ZNF385D: variants seen among roughly 807,000 people sequenced by gnomAD.
ZNF385D encodes the protein zinc finger protein 659.
A neutral mutation model predicts 35.8 loss-of-function variants in ZNF385D; 15 were observed. The ratio of observed to expected loss-of-function variants is 0.42; its 90% CI spans 0.28 to 0.64. ZNF385D has a LOEUF of 0.64. Among genes scored for constraint, ZNF385D ranks in the 30% least tolerant of loss-of-function variants. ZNF385D has a pLI of 0.23. For synonymous variants in ZNF385D, 212 were observed against 186.8 expected, an observed-to-expected ratio of 1.13 and a Z score of -1.10; for missense variants, 474 against 494.6, an observed-to-expected ratio of 0.96 and a Z score of 0.39.
At chr3:22,331,140 C>T (rs1364176576) in intron 2 of ZNF385D, among the ~76,000 whole-genome samples, 1 of 152,156 alleles carries the variant, frequency 6.6e-6, no homozygotes, top group East Asian at 1.9e-4. Context: ...ACTGACTGTT[C>T]ATTAGGTATT....
chr3:22,186,056 C>G (rs1188189225), intron 2 of ZNF385D, among the ~76,000 whole-genome samples: 3 of 152,122 alleles, frequency 2.0e-5, no homozygotes, highest in African/African-American at 7.2e-5. Context: ...CTTTCCTGGA[C>G]AAACACTCAC....
At chr3:21,899,156 A>G (rs547768617) in intron 3 of ZNF385D, among the ~76,000 whole-genome samples, 1 of 152,202 alleles carries the variant, frequency 6.6e-6, no homozygotes, top group East Asian at 1.9e-4. Context: ...ACTAGCATAT[A>G]GCATCTAGAT....
chr3:22,094,536 G>T (rs928061527), intron 3 of ZNF385D, among the ~76,000 whole-genome samples: 1 of 151,666 alleles, frequency 6.6e-6, no homozygotes, highest in African/African-American at 2.4e-5. Context: ...GTAAGACATA[G>T]GCCAGACACA....
chr3:21,507,172 CTG>C (rs573533243), intron 4 of ZNF385D, among the ~76,000 whole-genome samples: 193 of 152,210 alleles, frequency 1.3e-3, no homozygotes, highest in African/African-American at 4.4e-3. Flanking sequence ...AATTTAGTTT[CTG>C]TGAGTATTCT....
chr3:21,626,577 A>G (rs2065141034), intron 2 of ZNF385D, among the ~76,000 whole-genome samples: 1 of 152,056 alleles, frequency 6.6e-6, no homozygotes, highest in African/African-American at 2.4e-5. Context: ...GAGGAGCTTT[A>G]TGGCTTTGTT....
chr3:21,774,714 G>A (rs903234948), intron 3 of ZNF385D, among the ~76,000 whole-genome samples: 2 of 151,892 alleles, frequency 1.3e-5, no homozygotes, highest in Non-Finnish European at 1.5e-5. Context: ...TGATGAAGGA[G>A]TAGATGTAAT....
chr3:21,511,306 A>C (rs189369645), intron 3 of ZNF385D, among the ~76,000 whole-genome samples: 117 of 152,294 alleles, frequency 7.7e-4, no homozygotes, highest in Non-Finnish European at 1.3e-3. Context: ...AGCGGGGAAA[A>C]AAAATAAGAA....
At chr3:22,238,924 G>T (rs922579283) in intron 2 of ZNF385D, among the ~76,000 whole-genome samples, 2 of 149,852 alleles carry the variant, frequency 1.3e-5, no homozygotes, top group South Asian at 4.5e-4. Flanking sequence ...ACAGGGTCTT[G>T]CCATGTTGTA....
At chr3:22,307,534 A>C (rs1438354594) in intron 2 of ZNF385D, among the ~76,000 whole-genome samples, 1 of 152,176 alleles carries the variant, frequency 6.6e-6, no homozygotes, top group Non-Finnish European at 1.5e-5. Context: ...GCACACGTAC[A>C]CATGCCATTT....
chr3:21,828,063 AC>A (rs1694761524), intron 3 of ZNF385D, among the ~76,000 whole-genome samples: 1 of 152,236 alleles, frequency 6.6e-6, no homozygotes, highest in South Asian at 2.1e-4. Context: ...TGTACTTACA[AC>A]TAAATCTATG....
At chr3:21,949,545 TC>T (rs1701955541) in intron 3 of ZNF385D, among the ~76,000 whole-genome samples, 3 of 73,546 alleles carry the variant, frequency 4.1e-5, no homozygotes, top group Admixed American at 3.7e-4. Context: ...TTCCTTCTTT[TC>T]TTTCTTTCTT....
intron 4 of ZNF385D, among the ~76,000 whole-genome samples, chr3:21,487,137 C>T (rs1705091533): frequency 6.6e-6 from 1 of 152,124 alleles, no homozygotes; most frequent in Non-Finnish European, 1.5e-5. Flanking sequence ...TAAGGCTTTT[C>T]ATTCCTCTAC....
At chr3:21,964,983 A>G (rs1271367694) in intron 3 of ZNF385D, among the ~76,000 whole-genome samples, 2 of 152,218 alleles carry the variant, frequency 1.3e-5, no homozygotes, top group Admixed American at 1.3e-4. Flanking sequence ...TTAGGTTTAC[A>G]TCATTCCATT....
chr3:22,363,329 C>T (rs1253719719), intron 2 of ZNF385D, among the ~76,000 whole-genome samples: 1 of 152,098 alleles, frequency 6.6e-6, no homozygotes, highest in Admixed American at 6.5e-5. Flanking sequence ...GCTCACTGAC[C>T]CGCACCCACT....
At chr3:21,691,261 C>T (rs779757374) in intron 1 of ZNF385D, among the ~76,000 whole-genome samples, 4 of 152,196 alleles carry the variant, frequency 2.6e-5, no homozygotes, top group African/African-American at 9.6e-5. Context: ...TAGCCACGCT[C>T]GCTGGCTCCA....
intron 2 of ZNF385D, among the ~76,000 whole-genome samples, chr3:21,628,985 C>A (rs147424292): frequency 4.2e-3 from 644 of 152,100 alleles, no homozygotes; most frequent in Non-Finnish European, 7.1e-3. Flanking sequence ...AAGGGCAAGA[C>A]CAACAATTTT....
intron 2 of ZNF385D, among the ~76,000 whole-genome samples, chr3:22,353,584 C>A (rs775197572): frequency 6.6e-5 from 10 of 152,052 alleles, no homozygotes; most frequent in African/African-American, 2.2e-4. Flanking sequence ...GTAGCACTAT[C>A]CCCCCTTCCT....
intron 2 of ZNF385D, among the ~76,000 whole-genome samples, chr3:22,254,064 C>T (rs1234656713): frequency 3.3e-5 from 5 of 151,700 alleles, no homozygotes; most frequent in Non-Finnish European, 5.9e-5. Context: ...TTATAAAGCA[C>T]ACAATGGGGA....
chr3:22,165,482 G>A (rs145839442), intron 3 of ZNF385D, among the ~76,000 whole-genome samples: 1 of 152,072 alleles, frequency 6.6e-6, no homozygotes, highest in Non-Finnish European at 1.5e-5. Context: ...AAAATACTCA[G>A]CAAAATCATG....
Sources: allele counts gnomAD v4.1 joint callset (sites outside exome capture counted in the v4.1 genomes callset), GRCh38; gene constraint gnomAD v4.1.1; transcripts MANE v1.5; gene names NCBI Gene and HGNC (gene_info 2026-07-23, HGNC 2026-07-21).